Variants in MID2 observed in about 807,000 individuals in gnomAD.
MID2 encodes midline 2.
Under a neutral mutation model 46.1 loss-of-function variants are expected in MID2, and 13 were observed. That is an observed-to-expected ratio of 0.28 (90% CI 0.18 to 0.45). MID2 has a LOEUF of 0.45. Ranked by LOEUF, MID2 falls within the 20% of genes least tolerant of loss-of-function variation. MID2 has a pLI of 1.00. For missense variants in MID2, 431 were observed against 575.4 expected (o/e 0.75, Z 2.57); for synonymous variants, 199 against 212.3 (o/e 0.94, Z 0.55).
chrX:107,842,694 A>C (rs1010739187), intron 2 of MID2, among the ~76,000 whole-genome samples: 3 of 112,299 alleles, frequency 2.7e-5, no homozygotes, highest in Non-Finnish European at 5.6e-5. Flanking sequence ...GATATGTATA[A>C]ATGTGTAGCA....
chrX:107,906,599 T>A (rs1264851593), intron 5 of MID2, among the ~76,000 whole-genome samples: 1 of 112,293 alleles, frequency 8.9e-6, no homozygotes, highest in Non-Finnish European at 1.9e-5. Context: ...TGTTTTGTTT[T>A]GTTTGAGACA....
intron 6 of MID2, among the ~76,000 whole-genome samples, chrX:107,916,350 A>G (rs1331336695): frequency 8.9e-6 from 1 of 112,475 alleles, no homozygotes; most frequent in Non-Finnish European, 1.9e-5. Flanking sequence ...TGGGTATACC[A>G]TCTGTACTTA....
intron 3 of MID2, among the ~76,000 whole-genome samples, chrX:107,882,513 A>C (rs940225982): frequency 6.2e-5 from 7 of 112,103 alleles, no homozygotes; most frequent in Non-Finnish European, 1.1e-4. Context: ...AAGAAAAAAA[A>C]CAAACAACCC....
At chrX:107,891,270 G>A (rs1932596175) in intron 3 of MID2, among the ~76,000 whole-genome samples, 1 of 98,288 alleles carries the variant, frequency 1.0e-5, no homozygotes, top group African/African-American at 3.8e-5. Flanking sequence ...CCTCCTGTTT[G>A]TTTTATACCT....
intron 3 of MID2, chrX:107,896,316 A>T (rs1932733707): frequency 8.9e-6 from 1 of 112,320 alleles, no homozygotes; most frequent in Non-Finnish European, 1.9e-5. Context: ...TTGAGCCGAG[A>T]TCATGCCACT....
intron 5 of MID2, among the ~76,000 whole-genome samples, chrX:107,912,636 T>C (rs1000104939): frequency 7.2e-5 from 8 of 111,717 alleles, no homozygotes; most frequent in African/African-American, 2.6e-4. Context: ...GATTGTGTCT[T>C]AGGTTATTCT....
intron 1 of MID2, among the ~76,000 whole-genome samples, chrX:107,830,446 G>C (rs1209335237): frequency 1.8e-5 from 2 of 112,100 alleles, no homozygotes; most frequent in Non-Finnish European, 3.8e-5. Context: ...ACAAAAGCGA[G>C]AATGAAGCTC....
chrX:107,884,537 A>C (rs1932402045), intron 3 of MID2, among the ~76,000 whole-genome samples: 1 of 112,623 alleles, frequency 8.9e-6, no homozygotes, highest in Non-Finnish European at 1.9e-5. Context: ...GATTCAGGCC[A>C]GCCTGGCTTA....
At chrX:107,871,088 G>A (rs1356608134) in intron 3 of MID2, among the ~76,000 whole-genome samples, 5 of 110,727 alleles carry the variant, frequency 4.5e-5, no homozygotes, top group African/African-American at 1.6e-4. Flanking sequence ...CTGAGTAGAG[G>A]TTTAACTGTA....
intron 3 of MID2, among the ~76,000 whole-genome samples, chrX:107,862,533 T>A (rs1437419696): frequency 8.9e-6 from 1 of 112,160 alleles, no homozygotes; most frequent in Non-Finnish European, 1.9e-5. Context: ...AAGCTGCTAG[T>A]TTGCAGTTAC....
intron 2 of MID2, among the ~76,000 whole-genome samples, chrX:107,853,615 T>C (rs753075683): frequency 7.2e-5 from 8 of 111,567 alleles, no homozygotes; most frequent in African/African-American, 9.8e-5. Flanking sequence ...CCTCTCTTGA[T>C]ACAGTCAGGC....
At chrX:107,925,675 C>T (rs1436891201) in intron 8 of MID2, among the ~76,000 whole-genome samples, 1 of 111,532 alleles carries the variant, frequency 9.0e-6, no homozygotes, top group Non-Finnish European at 1.9e-5. Context: ...ACCCAAATCC[C>T]AAACAACCCA....
At chrX:107,868,224 C>T (rs954895309) in intron 3 of MID2, among the ~76,000 whole-genome samples, 1 of 111,571 alleles carries the variant, frequency 9.0e-6, no homozygotes, top group Non-Finnish European at 1.9e-5. Context: ...TCACCTAAGT[C>T]AGTGTGCTAG....
At chrX:107,866,930 A>G (rs1008313497) in intron 3 of MID2, among the ~76,000 whole-genome samples, 1 of 111,926 alleles carries the variant, frequency 8.9e-6, no homozygotes, top group Non-Finnish European at 1.9e-5. Flanking sequence ...GACAGGCACT[A>G]TTATTATCCC....
At chrX:107,922,820 T>TC (rs1209762381) in intron 7 of MID2, among the ~76,000 whole-genome samples, 1 of 112,223 alleles carries the variant, frequency 8.9e-6, no homozygotes, top group Non-Finnish European at 1.9e-5. Context: ...CTCATTTTTT[T>TC]CACAGCTGCA....
At chrX:107,826,855 G>A (rs1001400164) in intron 1 of MID2, among the ~76,000 whole-genome samples, 2 of 113,533 alleles carry the variant, frequency 1.8e-5, no homozygotes, top group Admixed American at 9.2e-5. Context: ...CCCCTTGGCC[G>A]GCCGTCTGCC....
At chrX:107,825,809 A>G, upstream of MID2, 1 of 203,303 alleles carries the variant, frequency 4.9e-6, no homozygotes, top group Non-Finnish European at 8.9e-6. Flanking sequence ...TGGTAGGTAC[A>G]GTAGTAACCC....
chrX:107,858,565 T>C (rs1931792693), intron 3 of MID2, among the ~76,000 whole-genome samples: 1 of 112,346 alleles, frequency 8.9e-6, no homozygotes, highest in Admixed American at 9.4e-5. Flanking sequence ...CTGTGTACTC[T>C]GTGGTGGGCG....
chrX:107,882,333 A>G (rs1422650612), intron 3 of MID2, among the ~76,000 whole-genome samples: 3 of 112,073 alleles, frequency 2.7e-5, no homozygotes, highest in African/African-American at 9.7e-5. Context: ...AGCAATGGCA[A>G]CAAAAGCCAA....
Sources: allele counts gnomAD v4.1 joint callset (sites outside exome capture counted in the v4.1 genomes callset), GRCh38; gene constraint gnomAD v4.1.1; transcripts MANE v1.5; gene names NCBI Gene and HGNC (gene_info 2026-07-23, HGNC 2026-07-21).